The following MAP4K5 variants were observed in gnomAD, a reference collection of about 807,000 sequenced individuals.
The protein encoded by MAP4K5 is MAPK/ERK kinase kinase kinase 5.
Under a neutral mutation model 135.6 loss-of-function variants are expected in MAP4K5, and 82 were observed. The observed-to-expected ratio is 0.60, with a 90% CI of 0.51 to 0.73. The LOEUF (loss-of-function observed/expected upper bound fraction) is 0.73, where lower values mean the gene tolerates loss of function less well. MAP4K5 is among the 30% of genes least tolerant of loss of function. The pLI is 0.00. For missense variants in MAP4K5, 907 were observed against 1,010.9 expected (o/e 0.90, Z 1.39); for synonymous variants, 347 against 335.0 (o/e 1.04, Z -0.39).
intron 2 of MAP4K5, among the ~76,000 whole-genome samples, chr14:50,539,302 G>C (rs2038532802): frequency 6.6e-6 from 1 of 152,232 alleles, no homozygotes; most frequent in East Asian, 1.9e-4. Context: ...GTAACAGTGA[G>C]GTTTACTAAA....
At position 50,434,407 on chromosome 14, in the gene MAP4K5, T is replaced by C. The variant is rs751211992; in HGVS notation, c.2151A>G (p.Thr717=). 2.5e-6 allele frequency: 4 copies of C among 1,604,952 alleles called. No homozygotes were observed. The East Asian group carries it at 8.9e-5, about 36-fold the overall frequency. Residue 717 remains threonine (T), a synonymous_variant, in exon 28 of 33, where the codon ACA becomes ACG. Coordinates refer to ENST00000682126, the MANE Select transcript of MAP4K5 (RefSeq NM_006575.6). ...AAAAATACTTACCTGCACCAATTTCTGTAAACCATGAAGATGCAGAGTTCA... is the reference window on the plus strand; with the variant it reads ...AAAAATACTTACCTGCACCAATTTCCGTAAACCATGAAGATGCAGAGTTCA... ...INLNSASSWF[T]EIGAGSQQLD...
At position 50,456,122 on chromosome 14, in the gene MAP4K5, G is replaced by T. The variant is rs372530875; in HGVS notation, c.1015+394C>A. Among the ~76,000 whole-genome samples, 11 of 151,998 alleles carry T rather than the reference G, an allele frequency of 7.2e-5. No homozygotes were observed. The East Asian group carries it at 7.7e-4, about 11-fold the overall frequency. ...GGTTATAAAGTCTATACTAATATAT[G>T]GAAATTAATTCTATTGTTAAGTGAA... On this transcript the variant is annotated intron_variant, in intron 14 of 32. Coordinates refer to ENST00000682126, the MANE Select transcript of MAP4K5 (RefSeq NM_006575.6).
intron 2 of MAP4K5, among the ~76,000 whole-genome samples, chr14:50,505,602 T>A (rs76312370): frequency 6.6e-6 from 1 of 152,130 alleles, no homozygotes; most frequent in Non-Finnish European, 1.5e-5. Flanking sequence ...TATTTTACCA[T>A]AGATCAGCTT....
intron 12 of MAP4K5, among the ~76,000 whole-genome samples, chr14:50,463,040 A>G (rs1478319445): frequency 1.3e-5 from 2 of 152,198 alleles, no homozygotes; most frequent in Non-Finnish European, 2.9e-5. Flanking sequence ...AAGTTCTAAA[A>G]TTAATATAGA....
intron 14 of MAP4K5, among the ~76,000 whole-genome samples, chr14:50,454,128 C>A (rs1238427505): frequency 2.6e-5 from 4 of 152,128 alleles, no homozygotes; most frequent in Non-Finnish European, 5.9e-5. Flanking sequence ...ATGACTCTAA[C>A]AGACATAAAG....
chr14:50,490,130 A>AGG (rs111758472), intron 3 of MAP4K5, among the ~76,000 whole-genome samples: 3 of 121,204 alleles, frequency 2.5e-5, no homozygotes, highest in Admixed American at 8.4e-5. Context: ...AGCGAGTGAG[A>AGG]GTGTGTGTGT....
chr14:50,497,885 T>C (rs2037627358), intron 3 of MAP4K5, among the ~76,000 whole-genome samples: 1 of 151,970 alleles, frequency 6.6e-6, no homozygotes, highest in Admixed American at 6.5e-5. Flanking sequence ...TCCTGGGTAG[T>C]GATGTATTAA....
Position 50,447,432 on chromosome 14 carries a change from T to C in MAP4K5, c.1124A>G (p.Asp375Gly). 2 of 1,550,348 alleles carry C rather than the reference T, an allele frequency of 1.3e-6. No individual in the cohort carries two copies. The highest frequency in any genetic ancestry group is 1.4e-5 in the African/African-American group (1 of 73,100). Residue 375 changes from aspartate to glycine, a missense_variant, in exon 16 of 33, where the codon GAT becomes GGT. By Grantham distance (94) the Asp-to-Gly change is moderately conservative. This residue lies in a region of MAP4K5 where 690 missense variants were observed against 777.4 expected (regional missense o/e 0.89). Coordinates refer to ENST00000682126, the MANE Select transcript of MAP4K5 (RefSeq NM_006575.6). ...AACTTACTTGCCAGTATTTGCACCA[T>C]CAACAAAAGGATTCCACTGTAACAT... The part of the protein sequence containing the change: ...NFMLQWNPFV[D>G]GANTGKSTSK...
Position 50,423,120 on chromosome 14 carries a change from C to T in MAP4K5, c.2453+1G>A. 1.3e-6 allele frequency: 2 copies of T among 1,525,102 alleles called. No homozygotes were observed. Among genetic ancestry groups the T allele is most frequent in the Non-Finnish European group, 1.8e-6 (2 of 1,107,636 alleles). The allele number at this position is 1,525,102 out of a possible 1,614,324, so 94.5% of individuals were successfully genotyped here. ...TTAAATTAATACAACCAAACTATTACCTGTCTGATCCTAATAAGCGGAAAA... is the reference window on the plus strand; with the variant it reads ...TTAAATTAATACAACCAAACTATTATCTGTCTGATCCTAATAAGCGGAAAA... On this transcript the variant is annotated splice_donor_variant, in intron 32 of 32. Transcript: ENST00000682126. LOFTEE classifies it high-confidence loss of function.
At chr14:50,528,993 G>C (rs1368758430) in intron 2 of MAP4K5, among the ~76,000 whole-genome samples, 1 of 152,166 alleles carries the variant, frequency 6.6e-6, no homozygotes, top group Non-Finnish European at 1.5e-5. Flanking sequence ...ATCACTGATA[G>C]TGGATATACT....
chr14:50,428,991 A>T (rs2035910510), intron 29 of MAP4K5, among the ~76,000 whole-genome samples: 1 of 152,190 alleles, frequency 6.6e-6, no homozygotes, highest in African/African-American at 2.4e-5. Flanking sequence ...TCTCATTTTT[A>T]AAAATGTATG....
At chr14:50,514,519 AAGAC>A (rs2140061224) in intron 2 of MAP4K5, among the ~76,000 whole-genome samples, 1 of 152,352 alleles carries the variant, frequency 6.6e-6, no homozygotes, top group South Asian at 2.1e-4. Context: ...ATCAGTTAGA[AAGAC>A]AGAAAAGGGA....
chr14:50,527,041 C>G (rs2038281136), intron 2 of MAP4K5, among the ~76,000 whole-genome samples: 1 of 152,136 alleles, frequency 6.6e-6, no homozygotes, highest in Non-Finnish European at 1.5e-5. Flanking sequence ...TCAACGGATC[C>G]TTTAAAAATA....
At chr14:50,516,041 T>G (rs2038027231) in intron 2 of MAP4K5, among the ~76,000 whole-genome samples, 1 of 152,170 alleles carries the variant, frequency 6.6e-6, no homozygotes, top group Admixed American at 6.5e-5. Flanking sequence ...AAAATCCAGG[T>G]CATTCTTTAT....
At chr14:50,459,600 T>C (rs1488937552) in intron 13 of MAP4K5, among the ~76,000 whole-genome samples, 1 of 152,186 alleles carries the variant, frequency 6.6e-6, no homozygotes, top group Non-Finnish European at 1.5e-5. Context: ...ACATTTTAAA[T>C]ACAGTTTGAT....
chr14:50,437,653 C>T, intron 25 of MAP4K5, 119 bp from the exon 26 acceptor site: 2 of 698,344 alleles, frequency 2.9e-6, no homozygotes, highest in Admixed American at 3.0e-5. Context: ...TGGATCCTAA[C>T]TCCACACTAT....
At chr14:50,430,142 A>G (rs1172121974) in intron 28 of MAP4K5, among the ~76,000 whole-genome samples, 1 of 152,158 alleles carries the variant, frequency 6.6e-6, no homozygotes, top group Admixed American at 6.5e-5. Context: ...ACATATATAT[A>G]TATGAACACA....
chr14:50,536,522 TGGG>T, upstream of MAP4K5, among the ~76,000 whole-genome samples: 1 of 151,700 alleles, frequency 6.6e-6, no homozygotes, highest in Non-Finnish European at 1.5e-5. Context: ...ACTTTGGAAC[TGGG>T]TAACAGGCAG....
chr14:50,556,508 G>A (rs1277536187), intron 1 of MAP4K5, among the ~76,000 whole-genome samples: 2 of 152,122 alleles, frequency 1.3e-5, no homozygotes, highest in African/African-American at 4.8e-5. Flanking sequence ...GTGAGCCACT[G>A]CACCCAGCCT....
Sources: gnomAD v4.1 joint callset for allele counts (sites outside exome capture counted in the v4.1 genomes callset) on GRCh38, gnomAD v4.1.1 for gene constraint, gnomAD v4.1.1 regional missense constraint, MANE v1.5 for transcripts, NCBI Gene and HGNC (gene_info 2026-07-23, HGNC 2026-07-21) for gene names.